The following FOXK1 variants were observed in gnomAD, a reference collection of about 807,000 sequenced individuals.
FOXK1 encodes the protein forkhead box protein K1.
A neutral mutation model predicts 51.9 loss-of-function variants in FOXK1; 19 were observed. The ratio of observed to expected loss-of-function variants is 0.37; its 90% CI spans 0.26 to 0.54. The LOEUF is 0.54. FOXK1 is among the 20% of genes least tolerant of loss of function. The probability of loss-of-function intolerance (pLI) is 0.87; values close to 1 mark genes in which losing one functional copy is unlikely to be tolerated. For synonymous variants in FOXK1, 537 were observed against 482.6 expected (o/e 1.11, Z -1.48); for missense variants, 870 against 1,032.7 (o/e 0.84, Z 2.16).
rs200328295 is a variant in FOXK1 at position 4,722,274 on chromosome 7, C to A, written c.561-18564C>A. Among the ~76,000 whole-genome samples the A allele has an allele frequency of 3.0e-5, 4 of 132,810 alleles. No homozygotes were observed. The highest frequency in any genetic ancestry group is 7.5e-5 in the African/African-American group (3 of 39,916). The allele number at this position is 132,810 out of a possible 152,430, so 87.1% of individuals were successfully genotyped here. On this transcript the variant is annotated intron_variant, in intron 1 of 8. Coordinates refer to ENST00000328914, the MANE Select transcript of FOXK1 (RefSeq NM_001037165.2). The surrounding 1 kb of genome is among the most constrained non-coding windows in gnomAD (Gnocchi z 5.1). ...CTTTGCATTCTCTGCCTTTCCCGAG[C>A]GTCCCTGCCTCAGATTCCAAAATCT...
intron 1 of FOXK1, among the ~76,000 whole-genome samples, chr7:4,724,392 C>T (rs138409716): frequency 1.3e-5 from 2 of 152,264 alleles, no homozygotes; most frequent in East Asian, 3.9e-4. Context: ...AGACGGATTT[C>T]ACCATGTTGG....
intron 1 of FOXK1, among the ~76,000 whole-genome samples, chr7:4,689,445 C>T (rs1380586956): frequency 6.6e-6 from 1 of 152,174 alleles, no homozygotes; most frequent in Non-Finnish European, 1.5e-5. Flanking sequence ...CATTTTACTA[C>T]ATAAACGTTT....
At chr7:4,701,373 A>G (rs745754683) in intron 1 of FOXK1, among the ~76,000 whole-genome samples, 2 of 152,142 alleles carry the variant, frequency 1.3e-5, no homozygotes, top group African/African-American at 4.8e-5. Context: ...TGATCTCAAA[A>G]CAGTTCCCAG....
In FOXK1 at chr7:4,759,472, G is replaced by C; in HGVS notation, c.1573G>C (p.Val525Leu). The C allele has an allele frequency of 6.3e-7, 1 of 1,587,130 alleles. No individual in the cohort carries two copies. The highest frequency in any genetic ancestry group is 8.5e-7 in the Non-Finnish European group (1 of 1,171,902). ...VVQQAPTVTMVRVVTTSANSA... is the reference protein window; with the variant it reads ...VVQQAPTVTMLRVVTTSANSA... Reference sequence around the variant, plus strand: ...GCAGCAGGCCCCCACCGTCACCATGGTCAGGGTGGTCACCACATCTGCCAA... The same window carrying C: ...GCAGCAGGCCCCCACCGTCACCATGCTCAGGGTGGTCACCACATCTGCCAA... Residue 525 changes from valine to leucine, a missense_variant, in exon 7 of 9, where the codon GTC becomes CTC. By Grantham distance (32) the Val-to-Leu change is conservative. This residue lies in a region of FOXK1 where 457 missense variants were observed against 510.8 expected (regional missense o/e 0.89). Coordinates refer to ENST00000328914, the MANE Select transcript of FOXK1 (RefSeq NM_001037165.2).
chr7:4,739,896 G>A (rs918273724), intron 1 of FOXK1, among the ~76,000 whole-genome samples: 3 of 152,202 alleles, frequency 2.0e-5, no homozygotes, highest in East Asian at 1.9e-4. Flanking sequence ...CAGTTGCCCT[G>A]GCAGACAGGA....
rs1012697296 is a variant in FOXK1 at position 4,683,110 on chromosome 7, T to C, written c.560+242T>C. Among the ~76,000 whole-genome samples, 7 of 147,024 alleles carry C rather than the reference T, an allele frequency of 4.8e-5. No individual in the cohort carries two copies. Among genetic ancestry groups the C allele is most frequent in the African/African-American group, 1.8e-4 (7 of 39,254 alleles). ...TCCAGCCTGAGGATCTCCTCCACTTTCCCCGGTCTGGATACCCCGTCGCCC... is the reference window on the plus strand; with the variant it reads ...TCCAGCCTGAGGATCTCCTCCACTTCCCCCGGTCTGGATACCCCGTCGCCC... On this transcript the variant is annotated intron_variant, in intron 1 of 8. Transcript: ENST00000328914. The surrounding 1 kb of genome is among the most constrained non-coding windows in gnomAD (Gnocchi z 4.5).
chr7:4,701,725 C>T (rs533718508), intron 1 of FOXK1, among the ~76,000 whole-genome samples: 1 of 152,184 alleles, frequency 6.6e-6, no homozygotes, highest in Non-Finnish European at 1.5e-5. Flanking sequence ...AACCGTGTCT[C>T]TACTAAAAAT....
intron 1 of FOXK1, among the ~76,000 whole-genome samples, chr7:4,721,587 T>TC (rs1162593036): frequency 2.2e-5 from 3 of 134,422 alleles, no homozygotes; most frequent in African/African-American, 1.0e-4. Context: ...TTTCTTTTTT[T>TC]TCTTTTTTTT....
chr7:4,719,000 G>A (rs775108717), intron 1 of FOXK1, among the ~76,000 whole-genome samples: 1 of 152,022 alleles, frequency 6.6e-6, no homozygotes, highest in Non-Finnish European at 1.5e-5. Flanking sequence ...GTAGAGACGG[G>A]GTTGCACCAT....
Position 4,762,523 on chromosome 7 carries a change from G to T in FOXK1, c.*59G>T. ...CAGCGGCGACCCCGAAGCTGGACCC[G>T]GCAGCTCAGGCGGCCGCACCCACAG... On this transcript the variant is annotated 3_prime_UTR_variant, in exon 9 of 9. Coordinates refer to ENST00000328914, the MANE Select transcript of FOXK1 (RefSeq NM_001037165.2). This position sits in a 1 kb window ranked among gnomAD's most constrained non-coding sequence, Gnocchi z 5.7. 4 of 1,481,296 alleles carry T rather than the reference G, an allele frequency of 2.7e-6. No homozygotes were observed. In the South Asian group the frequency reaches 3.9e-5, roughly 14 times the overall value. The allele number at this position is 1,481,296 out of a possible 1,614,324, so 91.8% of individuals were successfully genotyped here. A position where few individuals can be genotyped will look rare whatever the true frequency, so the allele number is the denominator to read the frequency against.
chr7:4,682,693 T>C lies in FOXK1; in HGVS notation c.385T>C (p.Ser129Pro). 6.2e-7 allele frequency: 1 copy of C among 1,601,226 alleles called. No individual in the cohort carries two copies. Among genetic ancestry groups the C allele is most frequent in the Non-Finnish European group, 8.5e-7 (1 of 1,177,446 alleles). The change falls in exon 1 of 9, where the codon TCG (serine) becomes CCG (proline). Residue 129 changes from serine to proline, a missense_variant. By Grantham distance (74) the Ser-to-Pro change is moderately conservative. Transcript: ENST00000328914. This position sits in a 1 kb window ranked among gnomAD's most constrained non-coding sequence, Gnocchi z 7.6. ...GCCCAGCGTCACCATCGGCCGCAAC[T>C]CGTCGCAGGGCTCGGTGGACTTGAG... is the stretch of plus-strand genomic sequence containing the variant. Reference protein sequence around the residue: ...RQPSVTIGRNSSQGSVDLSMG... With the variant: ...RQPSVTIGRNPSQGSVDLSMG...
chr7:4,740,753 A>C (rs1001082032), intron 1 of FOXK1, 85 bp from the exon 2 acceptor site: 4 of 1,370,726 alleles, frequency 2.9e-6, no homozygotes, highest in Non-Finnish European at 4.0e-6. Context: ...AGTTACTTAG[A>C]CACACAGACA....
Position 4,762,081 on chromosome 7 carries a change from C to G in FOXK1, c.1922-103C>G. 1 of 1,381,442 alleles carries G rather than the reference C, an allele frequency of 7.2e-7. No homozygotes were observed. The highest frequency in any genetic ancestry group is 9.8e-7 in the Non-Finnish European group (1 of 1,024,786). The allele number at this position is 1,381,442 out of a possible 1,614,324, so 85.6% of individuals were successfully genotyped here. On this transcript the variant is annotated intron_variant, in intron 8 of 8. Coordinates refer to ENST00000328914, the MANE Select transcript of FOXK1 (RefSeq NM_001037165.2). The surrounding 1 kb of genome is among the most constrained non-coding windows in gnomAD (Gnocchi z 5.7). ...TCCTGCCTGGCAGGGGTGCACTGAC[C>G]TCCGGTTCCGGCTTGGTGGCTTAGC...
intron 1 of FOXK1, among the ~76,000 whole-genome samples, chr7:4,724,371 T>A (rs896090653): frequency 5.3e-5 from 8 of 152,128 alleles, no homozygotes; most frequent in Non-Finnish European, 1.2e-4. Context: ...AATTTATGTA[T>A]TTTTTTGTAG....
intron 1 of FOXK1, among the ~76,000 whole-genome samples, chr7:4,696,821 A>C (rs901461746): frequency 2.0e-5 from 3 of 152,142 alleles, no homozygotes; most frequent in Non-Finnish European, 4.4e-5. Flanking sequence ...TAATCCTAAC[A>C]CTTTGGGAGG....
Position 4,698,333 on chromosome 7 carries a change from G to A in FOXK1, c.560+15465G>A, listed in dbSNP as rs571923085. 2.8e-4 allele frequency among the ~76,000 whole-genome samples: 42 copies of A among 149,734 alleles called. 1 individual carries two copies. In the South Asian group the frequency reaches 7.2e-3, roughly 26 times the overall value. Reference sequence around the variant, plus strand: ...GTGTGTATATATATATATATATATCGTGCCCTTTTTCTTAATACCACAACA... The same window carrying A: ...GTGTGTATATATATATATATATATCATGCCCTTTTTCTTAATACCACAACA... On this transcript the variant is annotated intron_variant, in intron 1 of 8. Transcript: ENST00000328914.
chr7:4,710,535 A>G (rs1000877052), intron 1 of FOXK1, among the ~76,000 whole-genome samples: 14 of 152,242 alleles, frequency 9.2e-5, no homozygotes, highest in Admixed American at 6.5e-4. Context: ...CAATCGCGCC[A>G]CTGCACTCCA....
Position 4,734,166 on chromosome 7 carries a change from G to C in FOXK1, c.561-6672G>C, listed in dbSNP as rs112595075. On this transcript the variant is annotated intron_variant, in intron 1 of 8. Coordinates refer to ENST00000328914, the MANE Select transcript of FOXK1 (RefSeq NM_001037165.2). The surrounding 1 kb of genome is among the most constrained non-coding windows in gnomAD (Gnocchi z 5.2). ...ACTCCACAGCAGTTAGGAGACAGCA[G>C]ATGCATTCCCAGAGCTCCTGAGAAG... Among the ~76,000 whole-genome samples, 231 of 152,348 alleles carry C rather than the reference G, an allele frequency of 1.5e-3. 1 individual carries two copies. The highest frequency in any genetic ancestry group is 4.8e-3 in the African/African-American group (199 of 41,590).
In FOXK1 at chr7:4,734,167, A is replaced by G. The variant is rs1381082553; in HGVS notation, c.561-6671A>G. Among the ~76,000 whole-genome samples the G allele has an allele frequency of 2.0e-5, 3 of 152,180 alleles. No individual in the cohort carries two copies. The highest frequency in any genetic ancestry group is 6.5e-5 in the Admixed American group (1 of 15,282). On this transcript the variant is annotated intron_variant, in intron 1 of 8. Coordinates refer to ENST00000328914, the MANE Select transcript of FOXK1 (RefSeq NM_001037165.2). The surrounding 1 kb of genome is among the most constrained non-coding windows in gnomAD (Gnocchi z 5.2). Reference sequence around the variant, plus strand: ...CTCCACAGCAGTTAGGAGACAGCAGATGCATTCCCAGAGCTCCTGAGAAGG... The same window carrying G: ...CTCCACAGCAGTTAGGAGACAGCAGGTGCATTCCCAGAGCTCCTGAGAAGG...
Sources: allele counts gnomAD v4.1 joint callset (sites outside exome capture counted in the v4.1 genomes callset), GRCh38; gene constraint gnomAD v4.1.1; regional missense constraint gnomAD v4.1.1; non-coding constraint Gnocchi (gnomAD v3.1); transcripts MANE v1.5; gene names NCBI Gene and HGNC (gene_info 2026-07-23, HGNC 2026-07-21).